The following CACNA2D3 variants were observed in gnomAD, a reference collection of about 807,000 sequenced individuals.
The protein encoded by CACNA2D3 is calcium voltage-gated channel auxiliary subunit alpha2delta 3, also known as voltage-dependent calcium channel subunit alpha-2/delta-3.
A neutral mutation model predicts 160.6 loss-of-function variants in CACNA2D3; 60 were observed. The ratio of observed to expected loss-of-function variants is 0.37; its 90% confidence interval spans 0.30 to 0.46. CACNA2D3 has a LOEUF of 0.46. Among genes scored for constraint, CACNA2D3 ranks in the 20% least tolerant of loss-of-function variants. The pLI is 1.00. For missense variants in CACNA2D3, 1,205 were observed against 1,365.0 expected (o/e 0.88, Z 1.85); for synonymous variants, 558 against 492.9 (o/e 1.13, Z -1.75).
intron 4 of CACNA2D3, among the ~76,000 whole-genome samples, chr3:54,403,671 A>G (rs1699514875): frequency 6.6e-6 from 1 of 152,284 alleles, no homozygotes; most frequent in East Asian, 1.9e-4. Context: ...AAATCAAATG[A>G]GGGATAGAAA....
chr3:54,308,661 C>T (rs1703662716), intron 2 of CACNA2D3, among the ~76,000 whole-genome samples: 1 of 152,162 alleles, frequency 6.6e-6, no homozygotes, highest in Non-Finnish European at 1.5e-5. Context: ...CTAATAAACT[C>T]CTTGGTAGCA....
chr3:54,415,855 A>G (rs1201518664), intron 4 of CACNA2D3, among the ~76,000 whole-genome samples: 17 of 152,278 alleles, frequency 1.1e-4, no homozygotes, highest in Admixed American at 1.0e-3. Context: ...GCCTCAGAGG[A>G]CCATAGGTTG....
chr3:54,918,483 C>A, intron 27 of CACNA2D3: 1 of 1,605,628 alleles, frequency 6.2e-7, no homozygotes, highest in Non-Finnish European at 8.5e-7. Flanking sequence ...TGTCAAATCG[C>A]TCTTTTTCTT....
intron 4 of CACNA2D3, among the ~76,000 whole-genome samples, chr3:54,451,229 C>CTTTGTT (rs1700301967): frequency 1.9e-5 from 1 of 51,732 alleles, no homozygotes; most frequent in Non-Finnish European, 3.2e-5. Context: ...ATATAATAAT[C>CTTTGTT]TTTTTTTTTT....
chr3:54,556,381 G>A (rs1702242586), intron 5 of CACNA2D3, among the ~76,000 whole-genome samples: 1 of 152,102 alleles, frequency 6.6e-6, no homozygotes, highest in African/African-American at 2.4e-5. Context: ...GAGGCTACAA[G>A]CCAAGAAGTA....
chr3:54,863,757 G>A (rs1699344808), intron 17 of CACNA2D3, among the ~76,000 whole-genome samples: 1 of 151,900 alleles, frequency 6.6e-6, no homozygotes, highest in African/African-American at 2.4e-5. Context: ...TAGTTTTACA[G>A]CGATCAAAAG....
At chr3:54,268,363 G>A (rs1702558625) in intron 2 of CACNA2D3, among the ~76,000 whole-genome samples, 1 of 152,136 alleles carries the variant, frequency 6.6e-6, no homozygotes, top group African/African-American at 2.4e-5. Flanking sequence ...CAATCTCATT[G>A]TGCCTCACTA....
At chr3:55,039,422 T>A (rs112031161) in intron 35 of CACNA2D3, among the ~76,000 whole-genome samples, 2,007 of 152,334 alleles carry the variant, frequency 0.013, 44 homozygotes, top group African/African-American at 0.046. Context: ...TTGTGAAATG[T>A]TTTCTGTGGT....
At chr3:54,343,321 T>C (rs975580493) in intron 3 of CACNA2D3, among the ~76,000 whole-genome samples, 1 of 152,110 alleles carries the variant, frequency 6.6e-6, no homozygotes, top group African/African-American at 2.4e-5. Flanking sequence ...AGACAGGGTC[T>C]AGATCTGTCA....
intron 2 of CACNA2D3, among the ~76,000 whole-genome samples, chr3:54,190,771 T>A (rs1700964376): frequency 6.6e-6 from 1 of 152,158 alleles, no homozygotes; most frequent in Admixed American, 6.5e-5. Flanking sequence ...TAGTTGCAAC[T>A]GCAGAAGTGT....
intron 3 of CACNA2D3, among the ~76,000 whole-genome samples, chr3:54,379,616 T>G (rs1688773707): frequency 6.6e-6 from 1 of 152,210 alleles, no homozygotes; most frequent in Non-Finnish European, 1.5e-5. Flanking sequence ...TTGTGGCCTC[T>G]GTGTAGGTCC....
chr3:54,823,923 A>G (rs550293257), intron 14 of CACNA2D3, among the ~76,000 whole-genome samples: 86 of 152,352 alleles, frequency 5.6e-4, no homozygotes, highest in African/African-American at 1.9e-3. Flanking sequence ...GTAAATGATT[A>G]TATTTGTAGT....
At chr3:55,035,086 G>A (rs1251276808) in intron 35 of CACNA2D3, among the ~76,000 whole-genome samples, 1 of 152,102 alleles carries the variant, frequency 6.6e-6, no homozygotes, top group East Asian at 1.9e-4. Flanking sequence ...AAGATATAGT[G>A]CCAACTGAGA....
chr3:54,317,608 G>T (rs2107505137), intron 2 of CACNA2D3, among the ~76,000 whole-genome samples: 1 of 152,258 alleles, frequency 6.6e-6, no homozygotes, highest in Non-Finnish European at 1.5e-5. Context: ...CGCGATCGCG[G>T]CTCACTGCAA....
chr3:54,146,792 C>T (rs542475375), intron 2 of CACNA2D3, among the ~76,000 whole-genome samples: 19 of 152,334 alleles, frequency 1.2e-4, no homozygotes, highest in Middle Eastern at 3.4e-3. Flanking sequence ...CTCCTGGGCC[C>T]TGTTTCCCGC....
At chr3:54,228,867 C>T (rs1481444192) in intron 2 of CACNA2D3, among the ~76,000 whole-genome samples, 2 of 152,188 alleles carry the variant, frequency 1.3e-5, no homozygotes, top group East Asian at 1.9e-4. Context: ...TGCCCTGCCG[C>T]TCTTCTCTGC....
At chr3:54,945,737 C>T (rs1701595782) in intron 27 of CACNA2D3, among the ~76,000 whole-genome samples, 1 of 152,126 alleles carries the variant, frequency 6.6e-6, no homozygotes. Context: ...CTATAGGCAG[C>T]CTTGCTTTTT....
At chr3:54,739,558 AT>A (rs1273609183) in intron 11 of CACNA2D3, among the ~76,000 whole-genome samples, 5 of 152,008 alleles carry the variant, frequency 3.3e-5, no homozygotes, top group Non-Finnish European at 5.9e-5. Context: ...TTCACCTCAA[AT>A]TTTCATCTTA....
chr3:55,001,006 T>C (rs77053132), intron 31 of CACNA2D3, among the ~76,000 whole-genome samples: 14,296 of 152,208 alleles, frequency 0.094, 744 homozygotes, highest in Middle Eastern at 0.13. Context: ...CATATTTATT[T>C]AGGCTGGCTA....
Sources: allele counts gnomAD v4.1 joint callset (sites outside exome capture counted in the v4.1 genomes callset), GRCh38; gene constraint gnomAD v4.1.1; transcripts MANE v1.5; gene names NCBI Gene and HGNC (gene_info 2026-07-23, HGNC 2026-07-21).